CHRM3: variants seen among roughly 807,000 people sequenced by gnomAD.
CHRM3 encodes cholinergic receptor muscarinic 3.
In CHRM3, 11 loss-of-function variants were observed where a neutral mutation model predicts 41.8. The ratio of observed to expected loss-of-function variants is 0.26; its 90% CI spans 0.17 to 0.44. CHRM3 has a LOEUF of 0.44. CHRM3 is among the 20% of genes least tolerant of loss of function. The probability of loss-of-function intolerance (pLI) is 1.00; values close to 1 mark genes in which losing one functional copy is unlikely to be tolerated. For missense variants in CHRM3, 571 were observed against 745.4 expected, an observed-to-expected ratio of 0.77 and a Z score of 2.72; for synonymous variants, 297 against 301.4, an observed-to-expected ratio of 0.99 and a Z score of 0.15.
At chr1:239,816,552 C>G (rs1671602536) in intron 5 of CHRM3, among the ~76,000 whole-genome samples, 1 of 151,976 alleles carries the variant, frequency 6.6e-6, no homozygotes, top group Admixed American at 6.6e-5. Context: ...GAATGTTGCT[C>G]CCCAGGCCTG....
At chr1:239,750,447 A>G (rs1473958395) in intron 5 of CHRM3, among the ~76,000 whole-genome samples, 4 of 152,190 alleles carry the variant, frequency 2.6e-5, no homozygotes, top group African/African-American at 9.7e-5. Context: ...CCATCATTCA[A>G]GCAACTCTCC....
chr1:239,515,160 T>G (rs940430164), intron 2 of CHRM3, among the ~76,000 whole-genome samples: 5 of 152,090 alleles, frequency 3.3e-5, no homozygotes, highest in Non-Finnish European at 5.9e-5. Context: ...TGTGGCCTGT[T>G]TGGTTAGTAT....
chr1:239,771,356 C>A (rs1278498443), intron 5 of CHRM3, among the ~76,000 whole-genome samples: 1 of 152,118 alleles, frequency 6.6e-6, no homozygotes, highest in Non-Finnish European at 1.5e-5. Flanking sequence ...TAATTGATCT[C>A]ATTCCCTGAG....
intron 1 of CHRM3, among the ~76,000 whole-genome samples, chr1:239,390,332 C>T (rs1321121846): frequency 6.6e-6 from 1 of 152,112 alleles, no homozygotes; most frequent in African/African-American, 2.4e-5. Flanking sequence ...AATTACTAGC[C>T]TTTCAGAACT....
At chr1:239,887,222 T>C (rs904245159) in intron 6 of CHRM3, among the ~76,000 whole-genome samples, 1 of 151,872 alleles carries the variant, frequency 6.6e-6, no homozygotes, top group Non-Finnish European at 1.5e-5. Context: ...GGCGGGGGTA[T>C]ACAGAGTCTC....
intron 1 of CHRM3, among the ~76,000 whole-genome samples, chr1:239,409,106 C>T (rs1660872385): frequency 6.6e-6 from 1 of 152,070 alleles, no homozygotes; most frequent in East Asian, 1.9e-4. Context: ...CTTGAAGATA[C>T]TGTATTCTTT....
intron 6 of CHRM3, among the ~76,000 whole-genome samples, chr1:239,869,356 T>C (rs1676382236): frequency 6.6e-6 from 1 of 151,840 alleles, no homozygotes; most frequent in East Asian, 1.9e-4. Flanking sequence ...CCAAGAATGG[T>C]TTCCCACTTC....
At chr1:239,670,218 T>C (rs73124700) in intron 4 of CHRM3, among the ~76,000 whole-genome samples, 6,744 of 152,266 alleles carry the variant, frequency 0.044, 360 homozygotes, top group African/African-American at 0.12. Context: ...CGCCAAGTTC[T>C]CTTATACCTC....
chr1:239,698,271 C>T (rs986153270), intron 5 of CHRM3, among the ~76,000 whole-genome samples: 2 of 152,158 alleles, frequency 1.3e-5, no homozygotes, highest in African/African-American at 2.4e-5. Flanking sequence ...AGAAATCACT[C>T]TCCTATTTCC....
At chr1:239,627,459 T>A (rs1195685848) in intron 3 of CHRM3, among the ~76,000 whole-genome samples, 2 of 116,236 alleles carry the variant, frequency 1.7e-5, no homozygotes, top group Non-Finnish European at 1.8e-5. Flanking sequence ...TTTATCCAAC[T>A]TGCCAGTCTG....
At chr1:239,721,263 A>G (rs1362493614) in intron 5 of CHRM3, among the ~76,000 whole-genome samples, 1 of 151,890 alleles carries the variant, frequency 6.6e-6, no homozygotes, top group Admixed American at 6.6e-5. Flanking sequence ...AAAAAAGATA[A>G]GATCAGGGAA....
At chr1:239,486,056 G>T (rs1192412084) in intron 1 of CHRM3, among the ~76,000 whole-genome samples, 1 of 152,118 alleles carries the variant, frequency 6.6e-6, no homozygotes, top group Non-Finnish European at 1.5e-5. Flanking sequence ...AGAGAAATTT[G>T]GTGTGCTCAC....
intron 5 of CHRM3, among the ~76,000 whole-genome samples, chr1:239,686,966 A>G (rs1323956532): frequency 6.6e-6 from 1 of 152,274 alleles, no homozygotes; most frequent in East Asian, 1.9e-4. Context: ...AATTTACTTC[A>G]TATTATTAAC....
intron 1 of CHRM3, among the ~76,000 whole-genome samples, chr1:239,452,990 T>C (rs1448965847): frequency 6.6e-6 from 1 of 151,946 alleles, no homozygotes; most frequent in Non-Finnish European, 1.5e-5. Flanking sequence ...TTAGTAGAGA[T>C]GGGGTTTCAC....
chr1:239,805,664 C>A (rs926308642), intron 5 of CHRM3, among the ~76,000 whole-genome samples: 7 of 151,240 alleles, frequency 4.6e-5, no homozygotes, highest in African/African-American at 1.5e-4. Context: ...GTATACACAT[C>A]TATATATACT....
intron 6 of CHRM3, among the ~76,000 whole-genome samples, chr1:239,881,249 C>G (rs1450524147): frequency 7.8e-5 from 10 of 128,810 alleles, no homozygotes; most frequent in Admixed American, 6.4e-4. Flanking sequence ...CGCCCCTGCA[C>G]TCCAGCCTGG....
intron 3 of CHRM3, among the ~76,000 whole-genome samples, chr1:239,573,224 A>T (rs1661996942): frequency 6.6e-6 from 1 of 151,966 alleles, no homozygotes. Context: ...TTTCTCCTCT[A>T]ATCCTTGCTT....
In CHRM3 at chr1:239,912,724, C is replaced by G. The variant is rs1680435387; in HGVS notation, c.*3500C>G. ...ACAGAGAAGGATTCCAGGGATCAGTCAGGGTGTCCTGTACCTATCTGAGTA... is the reference window on the plus strand; with the variant it reads ...ACAGAGAAGGATTCCAGGGATCAGTGAGGGTGTCCTGTACCTATCTGAGTA... On this transcript the variant is annotated 3_prime_UTR_variant, in exon 7 of 7. Coordinates refer to ENST00000676153, the MANE Select transcript of CHRM3 (RefSeq NM_001375978.1). 6.0e-6 allele frequency: 1 copy of G among 167,170 alleles called. No homozygotes were observed. The highest frequency in any genetic ancestry group is 2.4e-5 in the African/African-American group (1 of 41,464). 10.4% of individuals were successfully genotyped at this position (167,170 alleles called of 1,614,324 possible). A position where few individuals can be genotyped will look rare whatever the true frequency, so the allele number is the denominator to read the frequency against.
At chr1:239,865,400 A>G (rs1457969866) in intron 6 of CHRM3, among the ~76,000 whole-genome samples, 1 of 152,254 alleles carries the variant, frequency 6.6e-6, no homozygotes, top group East Asian at 1.9e-4. Context: ...TGAATTTTGA[A>G]CCATAAGAAT....
Sources: gnomAD v4.1 joint callset for allele counts (sites outside exome capture counted in the v4.1 genomes callset) on GRCh38, gnomAD v4.1.1 for gene constraint, MANE v1.5 for transcripts, NCBI Gene and HGNC (gene_info 2026-07-23, HGNC 2026-07-21) for gene names.